Variants in LONRF3 observed in about 807,000 individuals in gnomAD.
LONRF3 encodes the protein LON peptidase N-terminal domain and ring finger 3, also known as LON peptidase N-terminal domain and RING finger protein 3.
A neutral mutation model predicts 51.7 loss-of-function variants in LONRF3; 19 were observed. That is an observed-to-expected ratio of 0.37 (90% confidence interval 0.26 to 0.54). The LOEUF (loss-of-function observed/expected upper bound fraction) is 0.54. LONRF3 is among the 20% of genes least tolerant of loss of function. LONRF3 has a pLI of 0.86. For missense variants in LONRF3, 521 were observed against 623.9 expected (o/e 0.84, Z 1.76); for synonymous variants, 265 against 257.8 (o/e 1.03, Z -0.27).
At chrX:118,999,875 C>T (rs748800596) in intron 5 of LONRF3, among the ~76,000 whole-genome samples, 17 of 111,899 alleles carry the variant, frequency 1.5e-4, no homozygotes, top group Non-Finnish European at 3.0e-4. Flanking sequence ...TATAGCTGGC[C>T]TCTCACTGCT....
At chrX:118,975,732 GTGGGGGA>G in intron 1 of LONRF3, 135 bp downstream of exon 1, 1 of 402,307 alleles carries the variant, frequency 2.5e-6, no homozygotes, top group Non-Finnish European at 4.0e-6. Flanking sequence ...CTGTGGCGGG[GTGGGGGA>G]GGGGTGATTC....
At chrX:118,993,631 C>T (rs997787102) in intron 5 of LONRF3, among the ~76,000 whole-genome samples, 5 of 111,368 alleles carry the variant, frequency 4.5e-5, no homozygotes, top group Admixed American at 9.5e-5. Context: ...AAAACTTCCC[C>T]GGCCTTGTGA....
chrX:118,974,939 G>T lies in LONRF3; in HGVS notation c.159G>T (p.Glu53Asp). The change falls in exon 1 of 11, where the codon GAG (glutamate) becomes GAT (aspartate). Residue 53 changes from glutamate to aspartate, a missense_variant. Physicochemically the swap from Glu to Asp is conservative, Grantham distance 45 (BLOSUM62 2). Transcript: ENST00000371628. ...AEGPAPLPTR[E>D]PEQEQSPGTS... is the part of the protein sequence containing the mutation. ...GCCCCGCACCTCTACCGACGCGGGA[G>T]CCAGAGCAAGAGCAGTCTCCGGGGA... 1 of 1,182,759 alleles carries T rather than the reference G, an allele frequency of 8.5e-7. No homozygotes were observed. The highest frequency in any genetic ancestry group is 1.9e-5 in the South Asian group (1 of 53,638).
intron 8 of LONRF3, 60 bp downstream of exon 8, chrX:119,012,033 T>C (rs1299987119): frequency 8.7e-7 from 1 of 1,148,851 alleles, no homozygotes; most frequent in Non-Finnish European, 1.2e-6. Context: ...CTGTTTTACT[T>C]TGGGGTACTC....
intron 2 of LONRF3, among the ~76,000 whole-genome samples, chrX:118,981,618 C>T (rs973561608): frequency 9.0e-6 from 1 of 111,610 alleles, no homozygotes; most frequent in African/African-American, 3.3e-5. Context: ...TTCCCAAACA[C>T]CCTTGGTAAA....
At chrX:119,016,944 C>A (rs946744624) in intron 10 of LONRF3, among the ~76,000 whole-genome samples, 4 of 112,266 alleles carry the variant, frequency 3.6e-5, no homozygotes, top group African/African-American at 1.3e-4. Flanking sequence ...ATAGTAGATA[C>A]CAGCTTGTAA....
At chrX:118,999,745 C>A (rs940452526) in intron 5 of LONRF3, among the ~76,000 whole-genome samples, 5 of 111,550 alleles carry the variant, frequency 4.5e-5, no homozygotes, top group Non-Finnish European at 9.4e-5. Flanking sequence ...CCAGTTGGCT[C>A]ACTCGAAATT....
chrX:118,975,404 G>A lies in LONRF3; in HGVS notation c.624G>A (p.Arg208=), dbSNP rs767924409. 22 of 1,200,461 alleles carry A rather than the reference G, an allele frequency of 1.8e-5. No homozygotes were observed. Among genetic ancestry groups the A allele is most frequent in the Non-Finnish European group, 2.5e-5 (22 of 890,061 alleles). The change falls in exon 1 of 11, where the codon CGG becomes CGA. Residue 208 remains arginine, a synonymous_variant. Coordinates refer to ENST00000371628, the MANE Select transcript of LONRF3 (RefSeq NM_001031855.3). ...CCGCCTTGATGGTGGCCACTGGGCG[G>A]GCGCGTGGAGCCCGGCGGGCTGGGC... ...KLSALMVATG[R]ARGARRAGQQ...
rs1032124359 is a variant in LONRF3, at chrX:119,006,796, A to G, written c.1530+561A>G. The stretch of plus-strand genomic sequence containing the variant: ...GTAGAGACGGGGTTTCACCGTGTTA[A>G]CCAGGATGATCTGGATCTCCTGACC... On this transcript the variant is annotated intron_variant, in intron 6 of 10. Coordinates refer to ENST00000371628, the MANE Select transcript of LONRF3 (RefSeq NM_001031855.3). Among the ~76,000 whole-genome samples, 5 of 110,205 alleles carry G rather than the reference A, an allele frequency of 4.5e-5. No homozygotes were observed. In the Admixed American group the frequency reaches 4.8e-4, roughly 11 times the overall value.
chrX:119,008,915 TATAAAG>T (rs1329354226), intron 6 of LONRF3, among the ~76,000 whole-genome samples: 1 of 112,089 alleles, frequency 8.9e-6, no homozygotes, highest in African/African-American at 3.2e-5. Context: ...TTTTTCTAAT[TATAAAG>T]ATAATCAATT....
At chrX:118,990,431 G>A in intron 4 of LONRF3, 39 bp from the exon 5 acceptor site, 1 of 1,059,248 alleles carries the variant, frequency 9.4e-7, no homozygotes, top group Non-Finnish European at 1.3e-6. Flanking sequence ...ATGAAACCGG[G>A]GTGGCTCCAG....
rs1925560278 is a variant in LONRF3, at chrX:119,017,794, T to G, written c.*104T>G. On this transcript the variant is annotated 3_prime_UTR_variant, in exon 11 of 11. Transcript: ENST00000371628. ...AATAATATCTTAACAGAAGGGGGTGTCAAACAGAGGCATCAGCCTGCTGTT... is the reference window on the plus strand; with the variant it reads ...AATAATATCTTAACAGAAGGGGGTGGCAAACAGAGGCATCAGCCTGCTGTT... 2.6e-6 allele frequency: 2 copies of G among 774,481 alleles called. No individual in the cohort carries two copies. Among genetic ancestry groups the G allele is most frequent in the Non-Finnish European group, 3.6e-6 (2 of 553,195 alleles). The allele number at this position is 774,481 out of a possible 1,213,427, so 63.8% of individuals were successfully genotyped here.
At chrX:118,994,310 T>C (rs1372391502) in intron 5 of LONRF3, among the ~76,000 whole-genome samples, 2 of 110,631 alleles carry the variant, frequency 1.8e-5, no homozygotes, top group Non-Finnish European at 3.8e-5. Context: ...ACATAAAGAC[T>C]CACATAAACT....
chrX:119,012,959 T>G (rs1352970686), intron 8 of LONRF3, 80 bp from the exon 9 acceptor site: 7 of 1,200,309 alleles, frequency 5.8e-6, no homozygotes, highest in Non-Finnish European at 5.6e-6. Flanking sequence ...AGCATGGGGC[T>G]ACAGAAATGG....
intron 5 of LONRF3, among the ~76,000 whole-genome samples, chrX:118,994,811 C>G (rs1369567518): frequency 8.9e-6 from 1 of 111,936 alleles, no homozygotes; most frequent in Non-Finnish European, 1.9e-5. Flanking sequence ...ATATATGCAC[C>G]TAACACTGGA....
chrX:118,975,303 CA>C lies in LONRF3; in HGVS notation c.524del (p.His175ProfsTer28). The stretch of plus-strand genomic sequence containing the variant: ...AGACCCCGTGTCCTTGTCGTGTGGC[CA>C]CACCTTTTGTAAACTGTGCCTGGAA... ...LSDPVSLSCG[H>X]TFCKLCLERG... On this transcript the variant is annotated frameshift_variant, in exon 1 of 11. Coordinates refer to ENST00000371628, the MANE Select transcript of LONRF3 (RefSeq NM_001031855.3). LOFTEE classifies it high-confidence loss of function. 8.3e-7 allele frequency: 1 copy of C among 1,210,477 alleles called. No individual in the cohort carries two copies. Among genetic ancestry groups the C allele is most frequent in the Non-Finnish European group, 1.1e-6 (1 of 895,152 alleles).
chrX:118,975,576 T>C lies in LONRF3; in HGVS notation c.796T>C (p.Tyr266His). The C allele has an allele frequency of 8.5e-7, 1 of 1,181,171 alleles. No individual in the cohort carries two copies. The highest frequency in any genetic ancestry group is 1.1e-6 in the Non-Finnish European group (1 of 882,380). ...CCAGGTGGAGGCGGCACTGCTCAAG[T>C]ACAACGAGGCAGTTAAGTTGGGTGA... ...ERQVEAALLK[Y>H]NEAVKLAPND... The change falls in exon 1 of 11, where the codon TAC becomes CAC. Residue 266 changes from tyrosine to histidine, a missense_variant. By Grantham distance (83) the Tyr-to-His change is moderately conservative. Around this residue, in one of 2 missense-constraint regions of LONRF3, gnomAD observed 376 missense variants for 376.7 expected, o/e 1.00. Transcript: ENST00000371628.
chrX:119,007,337 G>C (rs768636173), intron 6 of LONRF3, among the ~76,000 whole-genome samples: 1 of 111,590 alleles, frequency 9.0e-6, no homozygotes, highest in African/African-American at 3.3e-5. Flanking sequence ...CAGAACTTCA[G>C]TGTGATCCTT....
At chrX:119,001,084 T>C (rs1323952341) in intron 5 of LONRF3, among the ~76,000 whole-genome samples, 1 of 111,765 alleles carries the variant, frequency 8.9e-6, no homozygotes, top group Non-Finnish European at 1.9e-5. Flanking sequence ...ATGTAAAATG[T>C]TTTTTGTGTG....
Sources: allele counts gnomAD v4.1 joint callset (sites outside exome capture counted in the v4.1 genomes callset), GRCh38; gene constraint gnomAD v4.1.1; regional missense constraint gnomAD v4.1.1; transcripts MANE v1.5; gene names NCBI Gene and HGNC (gene_info 2026-07-23, HGNC 2026-07-21).